SLC39A10: variants seen among roughly 807,000 people sequenced by gnomAD.
SLC39A10 encodes the protein zinc transporter ZIP10.
Under a neutral mutation model 65.1 loss-of-function variants are expected in SLC39A10, and 13 were observed. That is an observed-to-expected ratio of 0.20 (90% confidence interval 0.13 to 0.32). SLC39A10 has a LOEUF of 0.32. Ranked by LOEUF, SLC39A10 falls within the 10% of genes least tolerant of loss-of-function variation. SLC39A10 has a pLI of 1.00. For missense variants in SLC39A10, 831 were observed against 1,018.4 expected (o/e 0.82, Z 2.50); for synonymous variants, 321 against 342.2 (o/e 0.94, Z 0.68).
chr2:195,627,700 G>A (rs992403855), intron 2 of SLC39A10, among the ~76,000 whole-genome samples: 1 of 152,192 alleles, frequency 6.6e-6, no homozygotes, highest in Admixed American at 6.6e-5. Flanking sequence ...GACTGGGAAG[G>A]AATTGGAAAC....
At chr2:195,641,279 G>C (rs1688806827) in intron 2 of SLC39A10, among the ~76,000 whole-genome samples, 1 of 152,188 alleles carries the variant, frequency 6.6e-6, no homozygotes, top group Admixed American at 6.5e-5. Flanking sequence ...GGTGCAAGGG[G>C]AAGGGGTGCC....
chr2:195,682,857 TA>T (rs546650490), intron 2 of SLC39A10, among the ~76,000 whole-genome samples: 12,237 of 143,230 alleles, frequency 0.085, 592 homozygotes, highest in African/African-American at 0.13. Context: ...AAATAAAAAA[TA>T]AAAAAAAAAA....
chr2:195,716,915 T>C lies in SLC39A10; in HGVS notation c.1975T>C (p.Ser659Pro). The C allele has an allele frequency of 1.9e-6, 3 of 1,614,210 alleles. No homozygotes were observed. Among genetic ancestry groups the C allele is most frequent in the Non-Finnish European group, 1.7e-6 (2 of 1,180,020 alleles). The change falls in exon 7 of 10, where the codon TCC (serine) becomes CCC (proline). Residue 659 changes from serine to proline, a missense_variant. By Grantham distance (74) the Ser-to-Pro change is moderately conservative (BLOSUM62 -1). Coordinates refer to ENST00000359634, the MANE Select transcript of SLC39A10 (RefSeq NM_020342.3). ...TTCCCATGGCCCCTGTCATTCTGGATCCGATCTGAAAGAAACAGGAATAGC... is the reference window on the plus strand; with the variant it reads ...TTCCCATGGCCCCTGTCATTCTGGACCCGATCTGAAAGAAACAGGAATAGC... ...HHSHGPCHSGSDLKETGIANI... is the reference protein window; with the variant it reads ...HHSHGPCHSGPDLKETGIANI...
intron 3 of SLC39A10, among the ~76,000 whole-genome samples, chr2:195,698,206 A>C (rs1691044821): frequency 1.3e-5 from 2 of 152,144 alleles, no homozygotes; most frequent in Non-Finnish European, 2.9e-5. Flanking sequence ...CAAGCAGGCA[A>C]CTTGAAAAAT....
rs567084796 is a variant in SLC39A10 at position 195,685,104 on chromosome 2, T to TC, written c.1216+1199dup. 4.0e-3 allele frequency among the ~76,000 whole-genome samples: 609 copies of TC among 152,200 alleles called. 5 individuals carry two copies. Among genetic ancestry groups the TC allele is most frequent in the Admixed American group, 5.4e-3 (82 of 15,282 alleles). ...GTGTTGTTTTAAATGCATTTTTTTT[T>TC]CACTAAATTTTGGCAGTAATCCTAT... is the stretch of plus-strand genomic sequence containing the variant. On this transcript the variant is annotated intron_variant, in intron 3 of 9. Transcript: ENST00000359634.
chr2:195,669,614 T>C (rs1249891874), intron 1 of SLC39A10, among the ~76,000 whole-genome samples: 1 of 152,234 alleles, frequency 6.6e-6, no homozygotes, highest in Non-Finnish European at 1.5e-5. Flanking sequence ...ACTGAACTTG[T>C]TATTTAGGTG....
Position 195,683,897 on chromosome 2 carries a change from G to A in SLC39A10, c.1207G>A (p.Gly403Arg). ...NLVPEDEANI[G>R]ASAWICGIIS... ...GGTTCCTGAAGATGAGGCAAATATA[G>A]GGGCATCAGGTAAGAGAGATTTTAA... Residue 403 changes from glycine (G) to arginine (R), a missense_variant, in exon 3 of 10, where the codon GGG becomes AGG. By Grantham distance (125) the Gly-to-Arg change is moderately radical. Around this residue, in one of 4 missense-constraint regions of SLC39A10, gnomAD observed 446 missense variants for 499.2 expected, o/e 0.89. Coordinates refer to ENST00000359634, the MANE Select transcript of SLC39A10 (RefSeq NM_020342.3). 1 of 1,610,602 alleles carries A rather than the reference G, an allele frequency of 6.2e-7. No individual in the cohort carries two copies. Among genetic ancestry groups the A allele is most frequent in the Non-Finnish European group, 8.5e-7 (1 of 1,178,306 alleles).
At chr2:195,694,228 A>G (rs1007363478) in intron 3 of SLC39A10, among the ~76,000 whole-genome samples, 10 of 152,170 alleles carry the variant, frequency 6.6e-5, no homozygotes, top group Non-Finnish European at 1.2e-4. Context: ...CATATGGTCT[A>G]TCTTGGAGAG....
intron 2 of SLC39A10, among the ~76,000 whole-genome samples, chr2:195,629,890 G>A (rs1024509317): frequency 2.0e-5 from 3 of 152,050 alleles, no homozygotes; most frequent in East Asian, 3.9e-4. Context: ...ACCATGCCTG[G>A]CTATTTTTTA....
At chr2:195,657,309 A>G in intron 1 of SLC39A10, 28 bp downstream of exon 1, 1 of 866,872 alleles carries the variant, frequency 1.2e-6, no homozygotes, top group Non-Finnish European at 1.4e-6. Flanking sequence ...ATTTGTTTAC[A>G]TTCCCTCCCC....
intron 1 of SLC39A10, among the ~76,000 whole-genome samples, chr2:195,659,889 GC>G (rs1162418041): frequency 6.6e-6 from 1 of 152,032 alleles, no homozygotes; most frequent in Non-Finnish European, 1.5e-5. Flanking sequence ...CCCAGAATGA[GC>G]TTTGATGGTC....
intron 4 of SLC39A10, 70 bp downstream of exon 4, chr2:195,706,855 G>T: frequency 9.3e-7 from 1 of 1,071,062 alleles, no homozygotes. Context: ...TCCTTCATTA[G>T]CAAGCTATAG....
At chr2:195,717,503 T>C (rs1691863275) in intron 7 of SLC39A10, 1 of 152,520 alleles carries the variant, frequency 6.6e-6, no homozygotes. Context: ...TTCTTTGAGA[T>C]CCAGACTCTT....
intron 1 of SLC39A10, among the ~76,000 whole-genome samples, chr2:195,679,232 A>G (rs963283181): frequency 5.7e-5 from 7 of 122,956 alleles, no homozygotes; most frequent in African/African-American, 2.2e-4. Flanking sequence ...GCTATTAGCA[A>G]TTGATTTTTG....
At chr2:195,658,615 C>T (rs746294956) in intron 1 of SLC39A10, 1 of 152,198 alleles carries the variant, frequency 6.6e-6, no homozygotes, top group Non-Finnish European at 1.5e-5. Flanking sequence ...AGATGTAGAA[C>T]TTAGTTCCTT....
chr2:195,624,887 CAAAA>C (rs60370795), intron 2 of SLC39A10, among the ~76,000 whole-genome samples: 3 of 47,324 alleles, frequency 6.3e-5, no homozygotes, highest in Admixed American at 2.6e-4. Context: ...GACTCCATCT[CAAAA>C]AAAAAAAAAA....
intron 1 of SLC39A10, among the ~76,000 whole-genome samples, chr2:195,658,851 A>G (rs1241257392): frequency 1.3e-5 from 2 of 152,236 alleles, no homozygotes; most frequent in Non-Finnish European, 2.9e-5. Flanking sequence ...AAATAAAACA[A>G]TGATGTGCTG....
At chr2:195,734,814 A>G (rs921662146) in intron 9 of SLC39A10, 69 bp from the exon 10 acceptor site, 50 of 1,448,512 alleles carry the variant, frequency 3.5e-5, no homozygotes, top group Non-Finnish European at 4.1e-5. Context: ...TTAAGTAGGA[A>G]AATGTTTTTA....
chr2:195,700,462 T>G (rs1401474779), intron 3 of SLC39A10, among the ~76,000 whole-genome samples: 1 of 152,234 alleles, frequency 6.6e-6, no homozygotes, highest in Non-Finnish European at 1.5e-5. Context: ...AATTTGAATT[T>G]ATATCATTTT....
Sources: gnomAD v4.1 joint callset for allele counts (sites outside exome capture counted in the v4.1 genomes callset) on GRCh38, gnomAD v4.1.1 for gene constraint, gnomAD v4.1.1 regional missense constraint, MANE v1.5 for transcripts, NCBI Gene and HGNC (gene_info 2026-07-23, HGNC 2026-07-21) for gene names.